SMOC1: variants seen among roughly 807,000 people sequenced by gnomAD.
SMOC1 encodes the protein SPARC-related modular calcium-binding protein 1.
Under a neutral mutation model 56.3 loss-of-function variants are expected in SMOC1, and 22 were observed. That is an observed-to-expected ratio of 0.39 (90% CI 0.28 to 0.56). The LOEUF is 0.56. SMOC1 is among the 20% of genes least tolerant of loss of function. The probability of loss-of-function intolerance (pLI) is 0.61; values close to 1 mark genes in which losing one functional copy is unlikely to be tolerated. For synonymous variants in SMOC1, 193 were observed against 215.0 expected (o/e 0.90, Z 0.89); for missense variants, 509 against 565.4 (o/e 0.90, Z 1.01).
At chr14:69,886,479 A>T (rs1014464554) in intron 1 of SMOC1, among the ~76,000 whole-genome samples, 2 of 152,244 alleles carry the variant, frequency 1.3e-5, no homozygotes, top group Admixed American at 1.3e-4. Context: ...GTTACTTACA[A>T]ACTGGCTTTT....
At chr14:69,996,995 C>G (rs968857576) in intron 7 of SMOC1, among the ~76,000 whole-genome samples, 1 of 152,174 alleles carries the variant, frequency 6.6e-6, no homozygotes, top group African/African-American at 2.4e-5. Context: ...CCATTTTCAT[C>G]TAAATAGTAG....
At chr14:69,944,917 C>T (rs1246800447) in intron 1 of SMOC1, among the ~76,000 whole-genome samples, 1 of 151,958 alleles carries the variant, frequency 6.6e-6, no homozygotes, top group Non-Finnish European at 1.5e-5. Context: ...GGAAAAAATA[C>T]CATGTTTAAG....
intron 3 of SMOC1, among the ~76,000 whole-genome samples, chr14:69,956,900 C>G (rs978877666): frequency 1.1e-4 from 16 of 152,162 alleles, no homozygotes; most frequent in Non-Finnish European, 1.6e-4. Flanking sequence ...GAATGGGACA[C>G]AGACATTGTG....
intron 1 of SMOC1, among the ~76,000 whole-genome samples, chr14:69,920,141 G>A (rs1335428856): frequency 2.0e-5 from 3 of 152,286 alleles, no homozygotes; most frequent in Non-Finnish European, 4.4e-5. Context: ...CAGAAGGACA[G>A]CATGTGCCCC....
At position 70,011,690 on chromosome 14, in the gene SMOC1, G is replaced by C. The variant is rs145004390; in HGVS notation, c.940+123G>C. 1.4e-4 allele frequency: 124 copies of C among 896,424 alleles called. No homozygotes were observed. In the African/African-American group the frequency reaches 1.7e-3, roughly 12 times the overall value. The allele number at this position is 896,424 out of a possible 1,614,324, so 55.5% of individuals were successfully genotyped here. The stretch of plus-strand genomic sequence containing the variant: ...CATGTGTAAGATGGAGCCAGGAGCC[G>C]TGGGATCTACATCCTGGTCTGGGAT... On this transcript the variant is annotated intron_variant, in intron 9 of 11. Transcript: ENST00000361956.
chr14:69,884,617 G>A (rs192353056), intron 1 of SMOC1, among the ~76,000 whole-genome samples: 86 of 152,296 alleles, frequency 5.6e-4, no homozygotes, highest in African/African-American at 2.0e-3. Context: ...TGTATATGGT[G>A]AGAGATGAGG....
chr14:69,940,602 A>T (rs376891351), intron 1 of SMOC1, among the ~76,000 whole-genome samples: 12 of 150,540 alleles, frequency 8.0e-5, no homozygotes, highest in African/African-American at 2.9e-4. Context: ...CCAAACAGGC[A>T]TGAAGAAACT....
chr14:69,967,899 C>T (rs994430840), intron 3 of SMOC1, among the ~76,000 whole-genome samples: 6 of 152,148 alleles, frequency 3.9e-5, no homozygotes, highest in African/African-American at 1.4e-4. Flanking sequence ...ATAACCTATT[C>T]CAAACTGAGG....
intron 1 of SMOC1, among the ~76,000 whole-genome samples, chr14:69,900,371 T>C (rs762205767): frequency 1.3e-5 from 2 of 152,224 alleles, no homozygotes; most frequent in South Asian, 2.1e-4. Flanking sequence ...CAAAAATTTA[T>C]TGAGCTACTG....
At chr14:69,982,772 T>G (rs1235034092) in intron 5 of SMOC1, among the ~76,000 whole-genome samples, 1 of 152,222 alleles carries the variant, frequency 6.6e-6, no homozygotes, top group Non-Finnish European at 1.5e-5. Context: ...TCTCTTAGCA[T>G]TGCCATCAGG....
At chr14:69,893,959 G>A (rs1296294161) in intron 1 of SMOC1, among the ~76,000 whole-genome samples, 1 of 152,218 alleles carries the variant, frequency 6.6e-6, no homozygotes, top group Admixed American at 6.5e-5. Flanking sequence ...CATGTGATAA[G>A]GCAGCAAGAG....
At chr14:69,984,696 A>T (rs1209746255) in intron 5 of SMOC1, among the ~76,000 whole-genome samples, 1 of 151,488 alleles carries the variant, frequency 6.6e-6, no homozygotes, top group Non-Finnish European at 1.5e-5. Flanking sequence ...AAAAAAAAAA[A>T]ATACAAAAAT....
chr14:69,977,972 G>A lies in SMOC1; in HGVS notation c.526+7G>A. On this transcript the variant is annotated splice_region_variant and intron_variant, in intron 5 of 11. Coordinates refer to ENST00000361956, the MANE Select transcript of SMOC1 (RefSeq NM_001034852.3). The stretch of plus-strand genomic sequence containing the variant: ...GGTAACTCAGGAAGGAAAGGTGAGT[G>A]GAGTTTTATGCTTTATCTAAATGTT... 1 of 1,611,880 alleles carries A rather than the reference G, an allele frequency of 6.2e-7. No individual in the cohort carries two copies. The highest frequency in any genetic ancestry group is 8.5e-7 in the Non-Finnish European group (1 of 1,177,946).
chr14:69,985,137 C>G (rs1026360941), intron 5 of SMOC1, among the ~76,000 whole-genome samples: 1 of 151,946 alleles, frequency 6.6e-6, no homozygotes, highest in Admixed American at 6.6e-5. Flanking sequence ...AATATGCACA[C>G]AAGAAGAGGC....
chr14:69,990,692 A>G (rs1884532721), intron 5 of SMOC1, among the ~76,000 whole-genome samples: 1 of 152,190 alleles, frequency 6.6e-6, no homozygotes, highest in Non-Finnish European at 1.5e-5. Context: ...TCCAGATCAA[A>G]CTCACACAGT....
chr14:69,990,695 C>G (rs1251771403), intron 5 of SMOC1, among the ~76,000 whole-genome samples: 2 of 152,206 alleles, frequency 1.3e-5, no homozygotes, highest in Non-Finnish European at 2.9e-5. Flanking sequence ...AGATCAAACT[C>G]ACACAGTTTG....
intron 1 of SMOC1, among the ~76,000 whole-genome samples, chr14:69,948,698 C>A (rs535484016): frequency 3.9e-5 from 6 of 152,268 alleles, no homozygotes; most frequent in African/African-American, 9.6e-5. Flanking sequence ...TTCTCTTAAA[C>A]CACGCCCCCC....
At chr14:69,906,511 T>C (rs1177977246) in intron 1 of SMOC1, among the ~76,000 whole-genome samples, 1 of 152,220 alleles carries the variant, frequency 6.6e-6, no homozygotes, top group Non-Finnish European at 1.5e-5. Flanking sequence ...CCCTAGCCTT[T>C]GAGTCCTCTG....
intron 1 of SMOC1, among the ~76,000 whole-genome samples, chr14:69,938,174 A>G (rs1420292844): frequency 6.6e-6 from 1 of 152,184 alleles, no homozygotes; most frequent in Admixed American, 6.5e-5. Flanking sequence ...TGATAATCCT[A>G]TGACACTGAA....
Sources: gnomAD v4.1 joint callset for allele counts (sites outside exome capture counted in the v4.1 genomes callset) on GRCh38, gnomAD v4.1.1 for gene constraint, MANE v1.5 for transcripts, NCBI Gene and HGNC (gene_info 2026-07-23, HGNC 2026-07-21) for gene names.